Variants in SGCD observed in about 807,000 individuals in gnomAD.
The protein encoded by SGCD is delta-sarcoglycan.
Under a neutral mutation model 36.6 loss-of-function variants are expected in SGCD, and 18 were observed. The observed-to-expected ratio is 0.49, with a 90% confidence interval of 0.34 to 0.73. SGCD has a LOEUF of 0.73. Ranked by LOEUF, SGCD falls within the 30% of genes least tolerant of loss-of-function variation. The probability of loss-of-function intolerance (pLI) is 0.01; values close to 1 mark genes in which losing one functional copy is unlikely to be tolerated. For missense variants in SGCD, 387 were observed against 346.7 expected (o/e 1.12, Z -0.92); for synonymous variants, 133 against 130.6 (o/e 1.02, Z -0.12).
intron 3 of SGCD, among the ~76,000 whole-genome samples, chr5:156,197,014 T>C (rs1232080916): frequency 6.6e-6 from 1 of 152,194 alleles, no homozygotes; most frequent in Non-Finnish European, 1.5e-5. Flanking sequence ...TGTTAATCAC[T>C]CTCCCAGTAA....
chr5:156,073,932 G>A (rs1760679722), intron 1 of SGCD, among the ~76,000 whole-genome samples: 1 of 152,184 alleles, frequency 6.6e-6, no homozygotes, highest in South Asian at 2.1e-4. Context: ...AAGCACTGGG[G>A]TGGAGAGGAG....
chr5:156,097,300 C>T (rs1271367989), intron 1 of SGCD, among the ~76,000 whole-genome samples: 3 of 152,188 alleles, frequency 2.0e-5, no homozygotes, highest in African/African-American at 7.2e-5. Flanking sequence ...CAGCATCTCT[C>T]TATTTCCCCT....
At chr5:156,704,343 C>T (rs1426890845) in intron 7 of SGCD, 2 of 152,168 alleles carry the variant, frequency 1.3e-5, no homozygotes, top group Non-Finnish European at 2.9e-5. Context: ...AGTCACGTGA[C>T]TTGGATCACA....
intron 1 of SGCD, among the ~76,000 whole-genome samples, chr5:156,025,778 C>T (rs951303914): frequency 4.6e-5 from 7 of 152,116 alleles, no homozygotes; most frequent in East Asian, 3.9e-4. Flanking sequence ...ATCTCAATGT[C>T]GGGAAAGAGC....
At chr5:156,368,126 T>A (rs1397148557) in intron 3 of SGCD, among the ~76,000 whole-genome samples, 3 of 151,976 alleles carry the variant, frequency 2.0e-5, no homozygotes, top group Non-Finnish European at 2.9e-5. Context: ...AATCTCACTC[T>A]TGTCACCCAG....
At chr5:155,732,171 C>A in the SGCD span, among the ~76,000 whole-genome samples, 1 of 152,190 alleles carries the variant, frequency 6.6e-6, no homozygotes, top group Non-Finnish European at 1.5e-5. Context: ...CTTCAGCATT[C>A]TTCATGTACT....
chr5:156,239,081 C>T (rs1765236123), intron 3 of SGCD, among the ~76,000 whole-genome samples: 1 of 151,826 alleles, frequency 6.6e-6, no homozygotes, highest in South Asian at 2.1e-4. Flanking sequence ...GGTCCCGTGG[C>T]GCATCAGTAA....
upstream of SGCD, among the ~76,000 whole-genome samples, chr5:155,868,634 T>G (rs1470185302): frequency 6.6e-6 from 1 of 151,978 alleles, no homozygotes; most frequent in African/African-American, 2.4e-5. Context: ...GCAAAACCAG[T>G]CTGTATATGG....
At chr5:155,875,460 G>A (rs111950308) in intron 1 of SGCD, among the ~76,000 whole-genome samples, 30 of 152,006 alleles carry the variant, frequency 2.0e-4, no homozygotes, top group African/African-American at 7.0e-4. Flanking sequence ...TGAATACTTT[G>A]CAGAGCATTT....
At chr5:155,729,939 C>G in the SGCD span, among the ~76,000 whole-genome samples, 105 of 152,312 alleles carry the variant, frequency 6.9e-4, no homozygotes, top group African/African-American at 2.5e-3. Context: ...AGTATCCCAG[C>G]TCCTCCGGCT....
chr5:156,307,248 A>G (rs2127687886), intron 3 of SGCD, among the ~76,000 whole-genome samples: 1 of 152,162 alleles, frequency 6.6e-6, no homozygotes, highest in South Asian at 2.1e-4. Flanking sequence ...GACTTTGACC[A>G]TGTTGCCTAG....
chr5:156,346,777 A>C (rs1768967301), intron 3 of SGCD, among the ~76,000 whole-genome samples: 1 of 120,330 alleles, frequency 8.3e-6, no homozygotes, highest in South Asian at 3.2e-4. Flanking sequence ...CTTGGGCTTT[A>C]CTTTATTTTT....
At chr5:156,498,131 A>G (rs1251213710) in intron 3 of SGCD, among the ~76,000 whole-genome samples, 1 of 152,054 alleles carries the variant, frequency 6.6e-6, no homozygotes, top group African/African-American at 2.4e-5. Flanking sequence ...CCTCTTTAAC[A>G]TACTACCTCT....
chr5:156,673,964 G>A (rs1286379400), intron 7 of SGCD, among the ~76,000 whole-genome samples: 1 of 152,150 alleles, frequency 6.6e-6, no homozygotes, highest in Non-Finnish European at 1.5e-5. Flanking sequence ...TTAGTGTATG[G>A]TTCTCCCTCT....
At chr5:156,350,247 T>TTTTATATATATATATATATATATATA (rs1769171220) in intron 3 of SGCD, among the ~76,000 whole-genome samples, 1 of 95,782 alleles carries the variant, frequency 1.0e-5, no homozygotes, top group Non-Finnish European at 2.4e-5. Context: ...GGAAAAAAAA[T>TTTTATATATATATATATATATATATA]TATATATATA....
intron 7 of SGCD, among the ~76,000 whole-genome samples, chr5:156,684,052 T>C (rs1251246018): frequency 6.6e-6 from 1 of 152,348 alleles, no homozygotes; most frequent in Non-Finnish European, 1.5e-5. Context: ...GAGGTTTGTC[T>C]TGTTTATTCC....
intron 3 of SGCD, among the ~76,000 whole-genome samples, chr5:156,187,760 A>G (rs918541494): frequency 1.3e-5 from 2 of 152,166 alleles, no homozygotes; most frequent in African/African-American, 4.8e-5. Context: ...CTTGAATGAG[A>G]TGAGGATGGA....
intron 3 of SGCD, among the ~76,000 whole-genome samples, chr5:156,200,260 AT>A (rs1484464688): frequency 1.3e-5 from 2 of 152,162 alleles, no homozygotes; most frequent in South Asian, 2.1e-4. Flanking sequence ...CCTTGCTTCA[AT>A]ACATACTGCA....
At chr5:156,496,963 G>A (rs931514672) in intron 3 of SGCD, among the ~76,000 whole-genome samples, 1 of 152,130 alleles carries the variant, frequency 6.6e-6, no homozygotes, top group Non-Finnish European at 1.5e-5. Flanking sequence ...TTTTGACTGA[G>A]CAGCATGGAT....
Sources: gnomAD v4.1 joint callset for allele counts (sites outside exome capture counted in the v4.1 genomes callset) on GRCh38, gnomAD v4.1.1 for gene constraint, MANE v1.5 for transcripts, NCBI Gene and HGNC (gene_info 2026-07-23, HGNC 2026-07-21) for gene names.